Variants in GALNT13 observed in about 807,000 individuals in gnomAD.
GALNT13 encodes the protein polypeptide N-acetylgalactosaminyltransferase 13, also known as UDP-GalNAc:polypeptide N-acetylgalactosaminyltransferase 13.
GALNT13 carries 28 observed loss-of-function variants against 64.2 expected under a neutral mutation model. That is an observed-to-expected ratio of 0.44 (90% CI 0.32 to 0.60). The LOEUF (loss-of-function observed/expected upper bound fraction) is 0.60, where lower values mean the gene tolerates loss of function less well. GALNT13 is among the 20% of genes least tolerant of loss of function. GALNT13 has a pLI of 0.05. For missense variants in GALNT13, 577 were observed against 669.8 expected, an observed-to-expected ratio of 0.86 and a Z score of 1.53; for synonymous variants, 214 against 224.6, an observed-to-expected ratio of 0.95 and a Z score of 0.42.
At chr2:153,410,510 A>G in the GALNT13 span, among the ~76,000 whole-genome samples, 5 of 152,154 alleles carry the variant, frequency 3.3e-5, no homozygotes, top group African/African-American at 1.2e-4. Flanking sequence ...AGCCCAAATC[A>G]CTCATTTAAT....
Position 154,446,475 on chromosome 2 carries a change from T to G in GALNT13, c.1531-3936T>G, listed in dbSNP as rs1574327567. ...TTGTGACATGTGCCTTCCATCTTTA[T>G]CCAGTAGAAATTGCATGTTGCCTAG... is the stretch of plus-strand genomic sequence containing the variant. On this transcript the variant is annotated intron_variant, in intron 12 of 12. Coordinates refer to ENST00000392825, the MANE Select transcript of GALNT13 (RefSeq NM_052917.4). The G allele has an allele frequency of 3.1e-6, 4 of 1,294,316 alleles. No homozygotes were observed. The South Asian group carries it at 5.5e-5, about 18-fold the overall frequency. 80.2% of individuals were successfully genotyped at this position (1,294,316 alleles called of 1,614,324 possible). A position where few individuals can be genotyped will look rare whatever the true frequency, so the allele number is the denominator to read the frequency against.
At position 154,242,729 on chromosome 2, in the gene GALNT13, G is replaced by C. The variant is rs142707218; in HGVS notation, c.510G>C (p.Val170=). The change falls in exon 6 of 13, where the codon GTG becomes GTC. Residue 170 remains valine, a synonymous_variant. Transcript: ENST00000392825. ...DFLKLTLENY[V]KNLEVPVKII... ...TCAAGTTGACATTAGAGAATTACGT[G>C]AAAAATTTAGAAGTGCCAGTAAAAA... The C allele has an allele frequency of 8.1e-5, 131 of 1,613,192 alleles. No homozygotes were observed. Among genetic ancestry groups the C allele is most frequent in the Middle Eastern group, 4.9e-4 (3 of 6,080 alleles).
the GALNT13 span, among the ~76,000 whole-genome samples, chr2:153,455,464 A>G: frequency 3.3e-5 from 5 of 152,188 alleles, no homozygotes. Flanking sequence ...GAGTGCTGGA[A>G]GAGGCTGGCT....
At chr2:153,362,938 T>G in the GALNT13 span, among the ~76,000 whole-genome samples, 1 of 152,182 alleles carries the variant, frequency 6.6e-6, no homozygotes, top group African/African-American at 2.4e-5. Context: ...TACATTCTTT[T>G]CAGTGCCACA....
chr2:153,768,621 T>C, the GALNT13 span, among the ~76,000 whole-genome samples: 1 of 152,152 alleles, frequency 6.6e-6, no homozygotes, highest in Non-Finnish European at 1.5e-5. Context: ...TCCCAGCACG[T>C]TGGGAGGCCA....
At chr2:154,102,377 A>G (rs1702393433) in intron 3 of GALNT13, among the ~76,000 whole-genome samples, 1 of 152,180 alleles carries the variant, frequency 6.6e-6, no homozygotes, top group Non-Finnish European at 1.5e-5. Flanking sequence ...TTCCACTGCC[A>G]GTAACACCCT....
chr2:153,287,904 C>A, the GALNT13 span, among the ~76,000 whole-genome samples: 1 of 152,118 alleles, frequency 6.6e-6, no homozygotes, highest in African/African-American at 2.4e-5. Flanking sequence ...AGGGTGGAGC[C>A]CTCACCAGGG....
At chr2:153,883,905 ATCTT>A (rs1369358325) in intron 1 of GALNT13, among the ~76,000 whole-genome samples, 2 of 152,052 alleles carry the variant, frequency 1.3e-5, no homozygotes, top group African/African-American at 2.4e-5. Context: ...TTTTCAGTCA[ATCTT>A]ACTTAAAATG....
intron 4 of GALNT13, among the ~76,000 whole-genome samples, chr2:154,165,413 T>C (rs1053357902): frequency 2.0e-5 from 3 of 152,136 alleles, no homozygotes; most frequent in Admixed American, 1.3e-4. Flanking sequence ...TTTTCAGAGA[T>C]TGGTAATTAA....
Position 154,438,680 on chromosome 2 carries a change from A to G in GALNT13, c.1484A>G (p.Lys495Arg). 1 of 1,612,024 alleles carries G rather than the reference A, an allele frequency of 6.2e-7. No individual in the cohort carries two copies. Among genetic ancestry groups the G allele is most frequent in the East Asian group, 2.2e-5 (1 of 44,798 alleles). ...CTCAATGGACCTGTAATCATGTTAAAATGCCACCATATGAGAGGAAATCAG... is the reference window on the plus strand; with the variant it reads ...CTCAATGGACCTGTAATCATGTTAAGATGCCACCATATGAGAGGAAATCAG... ...SRLNGPVIML[K>R]CHHMRGNQLW... Residue 495 changes from lysine (K) to arginine (R), a missense_variant, in exon 12 of 13, where the codon AAA (lysine) becomes AGA (arginine). Lys to Arg is a conservative substitution (Grantham distance 26). Around this residue, in one of 3 missense-constraint regions of GALNT13, gnomAD observed 232 missense variants for 270.6 expected, o/e 0.86. Transcript: ENST00000392825.
At chr2:153,955,685 G>T (rs1245809627) in intron 3 of GALNT13, among the ~76,000 whole-genome samples, 1 of 152,150 alleles carries the variant, frequency 6.6e-6, no homozygotes, top group African/African-American at 2.4e-5. Flanking sequence ...AGCCTGTAAA[G>T]GTTCTCAGTT....
At chr2:154,378,098 A>G (rs1450171906) in intron 9 of GALNT13, among the ~76,000 whole-genome samples, 1 of 152,082 alleles carries the variant, frequency 6.6e-6, no homozygotes, top group African/African-American at 2.4e-5. Flanking sequence ...AGACCCACAG[A>G]CTATTTTACC....
the GALNT13 span, among the ~76,000 whole-genome samples, chr2:153,804,259 T>C: frequency 0.45 from 69,060 of 151,978 alleles, 16,554 homozygotes; most frequent in Admixed American, 0.59. Context: ...GTTTCAACCT[T>C]CCTGGCTCGA....
chr2:153,658,564 G>A, the GALNT13 span, among the ~76,000 whole-genome samples: 1 of 151,966 alleles, frequency 6.6e-6, no homozygotes, highest in Non-Finnish European at 1.5e-5. Context: ...AAACATACAA[G>A]TACTTTTATT....
At chr2:153,601,952 C>G in the GALNT13 span, among the ~76,000 whole-genome samples, 154 of 151,942 alleles carry the variant, frequency 1.0e-3, no homozygotes, top group African/African-American at 3.6e-3. Context: ...ACTCATTCAG[C>G]CATGTGTAAT....
the GALNT13 span, among the ~76,000 whole-genome samples, chr2:153,780,164 C>G: frequency 3.2e-4 from 48 of 148,744 alleles, no homozygotes; most frequent in South Asian, 0.01. Flanking sequence ...GCTTTTATCT[C>G]AAATCATCCC....
the GALNT13 span, among the ~76,000 whole-genome samples, chr2:153,666,780 C>G: frequency 2.0e-5 from 3 of 152,160 alleles, no homozygotes; most frequent in African/African-American, 4.8e-5. Flanking sequence ...CTCCCAATGA[C>G]TGGACTAGCT....
chr2:154,314,184 G>A (rs1171561081), intron 9 of GALNT13, among the ~76,000 whole-genome samples: 1 of 152,136 alleles, frequency 6.6e-6, no homozygotes, highest in Non-Finnish European at 1.5e-5. Context: ...ACTCTTCAGA[G>A]TACCTCAGTT....
the GALNT13 span, among the ~76,000 whole-genome samples, chr2:153,563,317 C>T: frequency 1.3e-5 from 2 of 151,834 alleles, no homozygotes; most frequent in Admixed American, 6.6e-5. Flanking sequence ...TTTAATTATT[C>T]GCTTTAGTTT....
Sources: gnomAD v4.1 joint callset for allele counts (sites outside exome capture counted in the v4.1 genomes callset) on GRCh38, gnomAD v4.1.1 for gene constraint, gnomAD v4.1.1 regional missense constraint, MANE v1.5 for transcripts, NCBI Gene and HGNC (gene_info 2026-07-23, HGNC 2026-07-21) for gene names.